Variants in ADAM23 observed in about 807,000 individuals in gnomAD.
ADAM23 encodes the protein disintegrin and metalloproteinase domain-containing protein 23.
Under a neutral mutation model 120.1 loss-of-function variants are expected in ADAM23, and 33 were observed. That is an observed-to-expected ratio of 0.27 (90% CI 0.21 to 0.37). The LOEUF (loss-of-function observed/expected upper bound fraction) is 0.37, where lower values mean the gene tolerates loss of function less well. Ranked by LOEUF, ADAM23 falls within the 10% of genes least tolerant of loss-of-function variation. The probability of loss-of-function intolerance (pLI) is 1.00; values close to 1 mark genes in which losing one functional copy is unlikely to be tolerated. For synonymous variants in ADAM23, 367 were observed against 375.2 expected (o/e 0.98, Z 0.25); for missense variants, 862 against 1,058.2 (o/e 0.81, Z 2.57).
intron 23 of ADAM23, among the ~76,000 whole-genome samples, 156 bp downstream of exon 23, chr2:206,595,061 G>C (rs1313822110): frequency 6.6e-6 from 1 of 152,044 alleles, no homozygotes; most frequent in Admixed American, 6.5e-5. Flanking sequence ...GGCACCTGTA[G>C]TCCCAGCTAC....
In ADAM23 at chr2:206,513,637, A is replaced by G. The variant is rs141921692; in HGVS notation, c.510-17248A>G. Among the ~76,000 whole-genome samples, 712 of 152,352 alleles carry G rather than the reference A, an allele frequency of 4.7e-3. 7 individuals are homozygous for G. The highest frequency in any genetic ancestry group is 0.016 in the African/African-American group (659 of 41,590). On this transcript the variant is annotated intron_variant, in intron 3 of 25. Transcript: ENST00000264377. ...GAACATCTAGCTAAGATAATTAATA[A>G]AAGTGGCTACACTAAACAACAGATT...
chr2:206,443,723 GC>G lies in ADAM23; in HGVS notation c.-140del, dbSNP rs1695007294. Reference sequence around the variant, plus strand: ...GGCGCCGCCCAGCCCCGAGCCCCGCGCCCCGTGCCCCGAGCCCGGAGCCCCC... The same window carrying G: ...GGCGCCGCCCAGCCCCGAGCCCCGCGCCCGTGCCCCGAGCCCGGAGCCCCC... On this transcript the variant is annotated 5_prime_UTR_variant, in exon 1 of 26. Transcript: ENST00000264377. 4.3e-6 allele frequency: 1 copy of G among 234,048 alleles called. No homozygotes were observed. The highest frequency in any genetic ancestry group is 2.4e-5 in the African/African-American group (1 of 42,494). The allele number at this position is 234,048 out of a possible 1,614,324, so 14.5% of individuals were successfully genotyped here.
intron 3 of ADAM23, among the ~76,000 whole-genome samples, chr2:206,525,117 A>T (rs140401134): frequency 6.6e-6 from 1 of 152,034 alleles, no homozygotes; most frequent in African/African-American, 2.4e-5. Flanking sequence ...CATTTCCACA[A>T]ATGCCCTAGT....
intron 20 of ADAM23, among the ~76,000 whole-genome samples, chr2:206,588,873 A>T (rs1698375819): frequency 6.6e-6 from 1 of 152,224 alleles, no homozygotes; most frequent in Non-Finnish European, 1.5e-5. Context: ...TATTTGACTG[A>T]TTTACATTCA....
rs145946631 is a variant in ADAM23, at chr2:206,444,899, T to C, written c.215-408T>C. Among the ~76,000 whole-genome samples the C allele has an allele frequency of 9.9e-5, 15 of 152,242 alleles. No individual in the cohort carries two copies. In the East Asian group the frequency reaches 2.9e-3, roughly 29 times the overall value. On this transcript the variant is annotated intron_variant, in intron 1 of 25. Coordinates refer to ENST00000264377, the MANE Select transcript of ADAM23 (RefSeq NM_003812.4). ...TTGGATGGGATGCCACTAGGCAGAGTAGAGTTGTGCTTCTGTGGACTCAGA... is the reference window on the plus strand; with the variant it reads ...TTGGATGGGATGCCACTAGGCAGAGCAGAGTTGTGCTTCTGTGGACTCAGA...
intron 9 of ADAM23, among the ~76,000 whole-genome samples, chr2:206,557,177 G>T (rs1697662354): frequency 1.3e-5 from 2 of 151,906 alleles, no homozygotes; most frequent in Admixed American, 1.3e-4. Context: ...CAGTCCTCCA[G>T]CCTCCACCTG....
At chr2:206,550,750 C>T (rs1023935003) in intron 9 of ADAM23, among the ~76,000 whole-genome samples, 2 of 151,954 alleles carry the variant, frequency 1.3e-5, no homozygotes, top group East Asian at 1.9e-4. Flanking sequence ...TACAGGCGCC[C>T]GCCACTACGC....
chr2:206,562,288 A>C lies in ADAM23; in HGVS notation c.1340A>C (p.Lys447Thr), dbSNP rs1457848637. 6 of 1,613,572 alleles carry C rather than the reference A, an allele frequency of 3.7e-6. No individual in the cohort carries two copies. Residue 447 changes from lysine (K) to threonine (T), a missense_variant, in exon 13 of 26, where the codon AAG (lysine) becomes ACG (threonine). Transcript: ENST00000264377. Reference sequence around the variant, plus strand: ...ATCCAATGGGAACCTTCTAGCAGAAAGCCAAGTATGTACACTGACCTTCTT... The same window carrying C: ...ATCCAATGGGAACCTTCTAGCAGAACGCCAAGTATGTACACTGACCTTCTT... Reference protein sequence around the residue: ...LGIQWEPSSRKPKCDCTESWG... With the variant: ...LGIQWEPSSRTPKCDCTESWG...
chr2:206,546,307 A>C (rs1697395096), intron 6 of ADAM23, among the ~76,000 whole-genome samples: 3 of 152,112 alleles, frequency 2.0e-5, no homozygotes, highest in African/African-American at 7.2e-5. Flanking sequence ...CTTTTACCAG[A>C]ATTTAGAGCT....
chr2:206,495,524 C>A (rs866103253), intron 3 of ADAM23, among the ~76,000 whole-genome samples: 1 of 149,768 alleles, frequency 6.7e-6, no homozygotes, highest in Non-Finnish European at 1.5e-5. Flanking sequence ...AAGGAACAAC[C>A]GGTACCAGCC....
chr2:206,515,116 T>G (rs1416015956), intron 3 of ADAM23, among the ~76,000 whole-genome samples: 2 of 152,158 alleles, frequency 1.3e-5, no homozygotes, highest in Admixed American at 6.6e-5. Flanking sequence ...TTAGATTCAC[T>G]GTTGGTGTTA....
intron 4 of ADAM23, among the ~76,000 whole-genome samples, chr2:206,531,406 A>G (rs1417370792): frequency 1.3e-5 from 2 of 152,180 alleles, no homozygotes; most frequent in Non-Finnish European, 1.5e-5. Context: ...TATGAGGTGG[A>G]TGTTATTATT....
intron 3 of ADAM23, among the ~76,000 whole-genome samples, chr2:206,527,007 G>A (rs951640425): frequency 1.4e-4 from 22 of 152,162 alleles, no homozygotes; most frequent in African/African-American, 4.6e-4. Flanking sequence ...TCCATCCTAC[G>A]TTTATTCATT....
chr2:206,580,587 A>G (rs1698202882), intron 18 of ADAM23, among the ~76,000 whole-genome samples: 1 of 152,158 alleles, frequency 6.6e-6, no homozygotes, highest in Non-Finnish European at 1.5e-5. Flanking sequence ...ATGGTGGATT[A>G]TCTTTTTGAT....
chr2:206,556,988 A>G (rs760498637), intron 9 of ADAM23, among the ~76,000 whole-genome samples: 1 of 152,242 alleles, frequency 6.6e-6, no homozygotes, highest in African/African-American at 2.4e-5. Context: ...TTGAATTTGT[A>G]GACATTAAGA....
intron 3 of ADAM23, among the ~76,000 whole-genome samples, chr2:206,503,873 C>T (rs901072177): frequency 6.6e-6 from 1 of 152,164 alleles, no homozygotes; most frequent in African/African-American, 2.4e-5. Flanking sequence ...GTTATCATGG[C>T]TTCACTAACA....
At chr2:206,540,231 A>G (rs982921249) in intron 4 of ADAM23, among the ~76,000 whole-genome samples, 2 of 138,368 alleles carry the variant, frequency 1.4e-5, no homozygotes, top group African/African-American at 5.4e-5. Context: ...ACACACACAC[A>G]CACACACACA....
chr2:206,570,425 A>C (rs895979024), intron 15 of ADAM23, among the ~76,000 whole-genome samples: 1 of 152,214 alleles, frequency 6.6e-6, no homozygotes, highest in African/African-American at 2.4e-5. Flanking sequence ...TCCATTAGCA[A>C]ATATGAAAAG....
intron 15 of ADAM23, among the ~76,000 whole-genome samples, chr2:206,568,129 T>G (rs1007343188): frequency 6.6e-6 from 1 of 152,104 alleles, no homozygotes; most frequent in Non-Finnish European, 1.5e-5. Flanking sequence ...TTTTGTTTTT[T>G]TTTGAGTGGT....
Sources: allele counts gnomAD v4.1 joint callset (sites outside exome capture counted in the v4.1 genomes callset), GRCh38; gene constraint gnomAD v4.1.1; transcripts MANE v1.5; gene names NCBI Gene and HGNC (gene_info 2026-07-23, HGNC 2026-07-21).